Variants in ATXN7L1 observed in about 807,000 individuals in gnomAD.
ATXN7L1 encodes ataxin 7 like 1, also known as ataxin-7-like protein 1.
ATXN7L1 carries 15 observed loss-of-function variants against 70.8 expected under a neutral mutation model. The ratio of observed to expected loss-of-function variants is 0.21; its 90% CI spans 0.14 to 0.33. The LOEUF (loss-of-function observed/expected upper bound fraction) is 0.33. Ranked by LOEUF, ATXN7L1 falls within the 10% of genes least tolerant of loss-of-function variation. The pLI, the probability that ATXN7L1 is intolerant of heterozygous loss-of-function variation, is 1.00. For missense variants in ATXN7L1, 975 were observed against 1,097.1 expected (o/e 0.89, Z 1.57); for synonymous variants, 440 against 445.1 (o/e 0.99, Z 0.14).
chr7:105,689,105 T>C (rs1369982366), intron 3 of ATXN7L1, among the ~76,000 whole-genome samples: 1 of 152,158 alleles, frequency 6.6e-6, no homozygotes, highest in Non-Finnish European at 1.5e-5. Context: ...GTCTCTAGGT[T>C]CTGCCTGGGT....
At chr7:105,678,694 G>A (rs933288371) in intron 3 of ATXN7L1, among the ~76,000 whole-genome samples, 7 of 152,298 alleles carry the variant, frequency 4.6e-5, no homozygotes, top group African/African-American at 1.7e-4. Flanking sequence ...CGCCGGGAAG[G>A]TTCATTGCAG....
rs112966283 is a variant in ATXN7L1 at position 105,616,081 on chromosome 7, C to T, written c.1518-1265G>A. Among the ~76,000 whole-genome samples the T allele has an allele frequency of 8.5e-3, 1,302 of 152,290 alleles. 14 individuals carry two copies. The highest frequency in any genetic ancestry group is 0.03 in the African/African-American group (1,232 of 41,532). ...TGGTCCTTTCCCATTTCTCACCTTG[C>T]TCCCTCTCCCGGTTTCCCTGGGAAA... is the stretch of plus-strand genomic sequence containing the variant. On this transcript the variant is annotated intron_variant, in intron 9 of 11. Transcript: ENST00000419735.
At chr7:105,865,601 C>G (rs1817308622) in intron 2 of ATXN7L1, among the ~76,000 whole-genome samples, 1 of 152,230 alleles carries the variant, frequency 6.6e-6, no homozygotes, top group South Asian at 2.1e-4. Flanking sequence ...TGGGGTTTCA[C>G]CGTGTTAGCC....
chr7:105,652,242 T>C (rs940196765), intron 4 of ATXN7L1, among the ~76,000 whole-genome samples: 1 of 152,084 alleles, frequency 6.6e-6, no homozygotes, highest in Admixed American at 6.5e-5. Context: ...CCAGGAGCGT[T>C]TTAAGGATAA....
chr7:105,810,744 C>T (rs796920906), intron 2 of ATXN7L1, among the ~76,000 whole-genome samples: 9 of 152,288 alleles, frequency 5.9e-5, no homozygotes, highest in Non-Finnish European at 8.8e-5. Flanking sequence ...ATGGGGGCGG[C>T]GGAAAGGCTG....
At chr7:105,616,333 A>G (rs921371359) in intron 9 of ATXN7L1, among the ~76,000 whole-genome samples, 1 of 152,258 alleles carries the variant, frequency 6.6e-6, no homozygotes, top group African/African-American at 2.4e-5. Flanking sequence ...TGAGAGATAA[A>G]TGTCTCTCCT....
At chr7:105,849,391 T>A (rs1814549679) in intron 2 of ATXN7L1, among the ~76,000 whole-genome samples, 1 of 152,186 alleles carries the variant, frequency 6.6e-6, no homozygotes, top group Non-Finnish European at 1.5e-5. Flanking sequence ...CAGGAATTCT[T>A]AAGGGCAAGA....
chr7:105,802,239 G>A (rs942945086), intron 2 of ATXN7L1, among the ~76,000 whole-genome samples: 13 of 152,042 alleles, frequency 8.6e-5, no homozygotes, highest in African/African-American at 2.9e-4. Flanking sequence ...GTTCTCCCGA[G>A]GGCTGCCCAG....
At chr7:105,711,780 T>C (rs567480122) in intron 3 of ATXN7L1, among the ~76,000 whole-genome samples, 6 of 152,320 alleles carry the variant, frequency 3.9e-5, no homozygotes, top group South Asian at 2.1e-4. Flanking sequence ...TCTACCATTC[T>C]GGGGTGGGGA....
intron 3 of ATXN7L1, among the ~76,000 whole-genome samples, chr7:105,754,972 C>T (rs535769741): frequency 8.5e-4 from 129 of 152,278 alleles, no homozygotes; most frequent in Admixed American, 3.2e-3. Flanking sequence ...TGGGGACAGA[C>T]ATAAATGTTG....
intron 9 of ATXN7L1, among the ~76,000 whole-genome samples, chr7:105,616,027 C>A (rs1205800421): frequency 3.9e-5 from 6 of 152,224 alleles, no homozygotes. Flanking sequence ...AGCACATGGC[C>A]CTCGGGAGCC....
intron 7 of ATXN7L1, among the ~76,000 whole-genome samples, chr7:105,634,268 G>A (rs956817585): frequency 6.6e-6 from 1 of 152,214 alleles, no homozygotes; most frequent in Non-Finnish European, 1.5e-5. Context: ...TAACGTCAAA[G>A]CATAGGATGA....
At chr7:105,674,768 C>T (rs1296653148) in intron 3 of ATXN7L1, among the ~76,000 whole-genome samples, 1 of 152,136 alleles carries the variant, frequency 6.6e-6, no homozygotes, top group Non-Finnish European at 1.5e-5. Context: ...CCTTCCTCCT[C>T]CTCTTCTATT....
At chr7:105,639,410 T>G in intron 6 of ATXN7L1, 77 bp downstream of exon 6, 2 of 1,152,528 alleles carry the variant, frequency 1.7e-6, no homozygotes, top group Non-Finnish European at 2.5e-6. Context: ...CCCTGCCGTG[T>G]GCAGAGAGTG....
intron 3 of ATXN7L1, among the ~76,000 whole-genome samples, chr7:105,698,795 C>T (rs141129323): frequency 3.7e-4 from 56 of 152,268 alleles, no homozygotes; most frequent in Non-Finnish European, 6.0e-4. Flanking sequence ...GACTGAAGTT[C>T]CCTGAGGGCA....
intron 3 of ATXN7L1, among the ~76,000 whole-genome samples, chr7:105,709,325 ACT>A (rs2116262940): frequency 6.6e-6 from 1 of 151,764 alleles, no homozygotes; most frequent in East Asian, 2.0e-4. Context: ...CAAGAGTGAA[ACT>A]CTGTCTCACA....
intron 2 of ATXN7L1, among the ~76,000 whole-genome samples, chr7:105,868,028 C>A (rs1357155108): frequency 6.6e-6 from 1 of 152,246 alleles, no homozygotes; most frequent in Non-Finnish European, 1.5e-5. Flanking sequence ...GCTATCTTTA[C>A]TCCAGCAAGA....
At chr7:105,624,335 C>A in intron 7 of ATXN7L1, 68 bp from the exon 8 acceptor site, 2 of 1,295,756 alleles carry the variant, frequency 1.5e-6, no homozygotes, top group Non-Finnish European at 2.0e-6. Flanking sequence ...CAAGATCCAC[C>A]CAGTTTAATG....
intron 11 of ATXN7L1, among the ~76,000 whole-genome samples, chr7:105,610,067 G>A (rs1004092386): frequency 5.3e-5 from 8 of 152,292 alleles, no homozygotes; most frequent in South Asian, 4.1e-4. Flanking sequence ...CACCATGCCC[G>A]GCCGCAAGTC....
Sources: allele counts gnomAD v4.1 joint callset (sites outside exome capture counted in the v4.1 genomes callset), GRCh38; gene constraint gnomAD v4.1.1; transcripts MANE v1.5; gene names NCBI Gene and HGNC (gene_info 2026-07-23, HGNC 2026-07-21).